The following TNNI3K variants were observed in gnomAD, a reference collection of about 807,000 sequenced individuals.
TNNI3K encodes the protein TNNI3 interacting kinase, also known as serine/threonine-protein kinase TNNI3K.
TNNI3K carries 140 observed loss-of-function variants against 114.5 expected under a neutral mutation model. That is an observed-to-expected ratio of 1.22 (90% confidence interval 1.07 to 1.41). TNNI3K has a LOEUF of 1.41. Ranked by LOEUF, TNNI3K falls within the 40% of genes most tolerant of loss-of-function variation. The pLI is 0.00. For missense variants in TNNI3K, 1,125 were observed against 1,007.6 expected (o/e 1.12, Z -1.58); for synonymous variants, 347 against 347.5 (o/e 1.00, Z 0.02).
intron 5 of TNNI3K, among the ~76,000 whole-genome samples, chr1:74,279,269 G>T (rs1284276732): frequency 6.6e-6 from 1 of 152,154 alleles, no homozygotes; most frequent in Non-Finnish European, 1.5e-5. Context: ...CTCACTCTTT[G>T]CATTCTTAGG....
At chr1:74,463,833 T>A (rs866905918) in intron 21 of TNNI3K, among the ~76,000 whole-genome samples, 1 of 152,228 alleles carries the variant, frequency 6.6e-6, no homozygotes, top group Admixed American at 6.5e-5. Flanking sequence ...CAATTTTTAT[T>A]AACTACGCGT....
At chr1:74,369,927 A>G (rs1662505016) in intron 16 of TNNI3K, 2 of 246,060 alleles carry the variant, frequency 8.1e-6, no homozygotes, top group African/African-American at 2.2e-5. Context: ...GTGATCTTGA[A>G]CAAATCCAAT....
intron 17 of TNNI3K, among the ~76,000 whole-genome samples, chr1:74,417,881 A>G (rs1665205876): frequency 6.6e-6 from 1 of 152,202 alleles, no homozygotes; most frequent in East Asian, 1.9e-4. Context: ...TTTAAGTAAA[A>G]TGTGGCTGCT....
intron 5 of TNNI3K, among the ~76,000 whole-genome samples, chr1:74,277,086 A>G (rs1326383678): frequency 6.6e-6 from 1 of 152,174 alleles, no homozygotes; most frequent in Non-Finnish European, 1.5e-5. Context: ...GGTTTGGGGA[A>G]TGTGAGTCAT....
chr1:74,283,616 T>A (rs890749281), intron 5 of TNNI3K, among the ~76,000 whole-genome samples: 1 of 152,158 alleles, frequency 6.6e-6, no homozygotes, highest in African/African-American at 2.4e-5. Flanking sequence ...GAAGAAACAT[T>A]ACCTGAAAAA....
chr1:74,335,803 A>G (rs1660433217), intron 6 of TNNI3K, among the ~76,000 whole-genome samples: 1 of 152,184 alleles, frequency 6.6e-6, no homozygotes, highest in African/African-American at 2.4e-5. Context: ...CTACTTGCTG[A>G]GCATGGCAGA....
chr1:74,434,581 C>A (rs150484212), intron 17 of TNNI3K, among the ~76,000 whole-genome samples: 1 of 151,906 alleles, frequency 6.6e-6, no homozygotes, highest in South Asian at 2.1e-4. Context: ...AGTAGTACAG[C>A]GTGTAGATGC....
At position 74,349,886 on chromosome 1, in the gene TNNI3K, C is replaced by T. The variant is rs1209099723; in HGVS notation, c.933-3380C>T. 7.9e-5 allele frequency among the ~76,000 whole-genome samples: 12 copies of T among 152,130 alleles called. No individual in the cohort carries two copies. In the South Asian group the frequency reaches 8.3e-4, roughly 11 times the overall value. On this transcript the variant is annotated intron_variant, in intron 9 of 24. Coordinates refer to ENST00000326637, the MANE Select transcript of TNNI3K (RefSeq NM_015978.3). ...TTTCCTTCTTTATTAGTCTTGCTAG[C>T]GGTCTATCAATTTTGTTGATCTTTT...
intron 22 of TNNI3K, among the ~76,000 whole-genome samples, chr1:74,490,243 C>T (rs1358026579): frequency 6.6e-6 from 1 of 152,114 alleles, no homozygotes; most frequent in Non-Finnish European, 1.5e-5. Flanking sequence ...TTCTCTTATT[C>T]AGTACTGGGA....
At chr1:74,278,593 A>G (rs1259595503) in intron 5 of TNNI3K, among the ~76,000 whole-genome samples, 3 of 152,182 alleles carry the variant, frequency 2.0e-5, no homozygotes, top group Admixed American at 1.3e-4. Context: ...TTACATTTTA[A>G]TAGCTTTGTT....
At chr1:74,456,142 C>T (rs557875832) in intron 20 of TNNI3K, among the ~76,000 whole-genome samples, 13 of 152,138 alleles carry the variant, frequency 8.5e-5, no homozygotes, top group East Asian at 5.8e-4. Flanking sequence ...ATATCTATTA[C>T]GTTAACTGAA....
chr1:74,376,114 T>TA (rs1288291291), intron 17 of TNNI3K, among the ~76,000 whole-genome samples: 3 of 151,968 alleles, frequency 2.0e-5, no homozygotes, highest in East Asian at 1.9e-4. Context: ...TGTTATGAGC[T>TA]AAAAAAATCT....
chr1:74,472,249 ACCCC>A, intron 21 of TNNI3K: 1 of 710,802 alleles, frequency 1.4e-6, no homozygotes, highest in East Asian at 2.7e-5. Context: ...GAGTTTTATT[ACCCC>A]AACCAAACAG....
intron 6 of TNNI3K, among the ~76,000 whole-genome samples, chr1:74,333,607 T>G (rs1435482654): frequency 6.6e-6 from 1 of 152,228 alleles, no homozygotes; most frequent in Non-Finnish European, 1.5e-5. Flanking sequence ...GGACTCACTT[T>G]CTGTGTGTGA....
In TNNI3K at chr1:74,236,046, G is replaced by A. The variant is rs942648733; in HGVS notation, c.41-56G>A. On this transcript the variant is annotated intron_variant, in intron 1 of 24. Transcript: ENST00000326637. ...TGATTACTTGTATGTTATGATCTGT[G>A]TCTACATTTTGCAAAACACAACTAT... is the stretch of plus-strand genomic sequence containing the variant. The A allele has an allele frequency of 5.8e-6, 8 of 1,381,058 alleles. 1 individual carries two copies. The highest frequency in any genetic ancestry group is 8.1e-6 in the Non-Finnish European group (8 of 989,306). 85.6% of individuals were successfully genotyped at this position (1,381,058 alleles called of 1,614,324 possible). A position where few individuals can be genotyped will look rare whatever the true frequency, so the allele number is the denominator to read the frequency against.
chr1:74,544,176 A>G lies in TNNI3K; in HGVS notation c.*194A>G, dbSNP rs1313906930. On this transcript the variant is annotated 3_prime_UTR_variant, in exon 25 of 25. Transcript: ENST00000326637. ...TTGTGCCTAAGGAATAATATGCAAA[A>G]GAACCAAGACAGAATGTATATGAAG... 9.0e-6 allele frequency: 5 copies of G among 553,544 alleles called. No individual in the cohort carries two copies. In the East Asian group the frequency reaches 1.7e-4, roughly 18 times the overall value. 34.3% of individuals were successfully genotyped at this position (553,544 alleles called of 1,614,324 possible).
intron 17 of TNNI3K, among the ~76,000 whole-genome samples, chr1:74,380,741 C>T (rs563637844): frequency 6.6e-6 from 1 of 152,174 alleles, no homozygotes; most frequent in African/African-American, 2.4e-5. Context: ...CTGTGAATGC[C>T]CTCTTGGCAC....
At chr1:74,444,753 G>A (rs951174119) in intron 20 of TNNI3K, among the ~76,000 whole-genome samples, 3 of 151,660 alleles carry the variant, frequency 2.0e-5, no homozygotes, top group Admixed American at 1.3e-4. Context: ...TAAAGCTGGA[G>A]GCATCATGGT....
chr1:74,406,992 G>A (rs1664647025), intron 17 of TNNI3K, among the ~76,000 whole-genome samples: 1 of 152,148 alleles, frequency 6.6e-6, no homozygotes, highest in Non-Finnish European at 1.5e-5. Flanking sequence ...TGGTATCAGT[G>A]AAAATGCATT....
Sources: allele counts gnomAD v4.1 joint callset (sites outside exome capture counted in the v4.1 genomes callset), GRCh38; gene constraint gnomAD v4.1.1; transcripts MANE v1.5; gene names NCBI Gene and HGNC (gene_info 2026-07-23, HGNC 2026-07-21).